The following NDUFAF6 variants were observed in gnomAD, a reference collection of about 807,000 sequenced individuals.
The protein encoded by NDUFAF6 is NADH dehydrogenase (ubiquinone) complex I, assembly factor 6.
In NDUFAF6, 45 loss-of-function variants were observed where a neutral mutation model predicts 40.8. The ratio of observed to expected loss-of-function variants is 1.10; its 90% CI spans 0.87 to 1.42. The LOEUF is 1.42. Among genes scored for constraint, NDUFAF6 ranks in the 40% most tolerant of loss-of-function variants. The pLI is 0.00. For missense variants in NDUFAF6, 435 were observed against 418.5 expected (o/e 1.04, Z -0.34); for synonymous variants, 185 against 155.9 (o/e 1.19, Z -1.39).
At chr8:95,018,471 G>A (rs1354658948) in intron 2 of NDUFAF6, among the ~76,000 whole-genome samples, 1 of 151,708 alleles carries the variant, frequency 6.6e-6, no homozygotes, top group African/African-American at 2.4e-5. Flanking sequence ...AAATGTTTGA[G>A]CAACTACTCA....
At chr8:94,967,230 C>T (rs1242969423) in intron 1 of NDUFAF6, among the ~76,000 whole-genome samples, 2 of 152,216 alleles carry the variant, frequency 1.3e-5, no homozygotes, top group African/African-American at 2.4e-5. Context: ...ACAGGTAGGG[C>T]AGATGTGTTT....
At chr8:94,995,424 A>G (rs1348799821) in intron 2 of NDUFAF6, among the ~76,000 whole-genome samples, 1 of 152,174 alleles carries the variant, frequency 6.6e-6, no homozygotes, top group African/African-American at 2.4e-5. Context: ...TTCCTGAATT[A>G]TACACTTCAA....
Position 95,025,077 on chromosome 8 carries a change from C to T in NDUFAF6, c.69C>T (p.Arg23=). The T allele has an allele frequency of 6.9e-7, 1 of 1,448,672 alleles. No homozygotes were observed. The highest frequency in any genetic ancestry group is 9.0e-7 in the Non-Finnish European group (1 of 1,111,406). The allele number at this position is 1,448,672 out of a possible 1,614,324, so 89.7% of individuals were successfully genotyped here. Reference sequence around the variant, plus strand: ...TTGGCATCCCCGGCCTGTGCTGCCGCCGGCCGCCTCTGGGTCTGTACGCGC... The same window carrying T: ...TTGGCATCCCCGGCCTGTGCTGCCGTCGGCCGCCTCTGGGTCTGTACGCGC... ...LRLGIPGLCC[R]RPPLGLYARM... The change falls in exon 1 of 9, where the codon CGC becomes CGT. Residue 23 remains arginine (R), a synonymous_variant. Transcript: ENST00000396124.
chr8:95,082,372 G>A (rs1271060061), intron 2 of NDUFAF6, among the ~76,000 whole-genome samples: 1 of 152,120 alleles, frequency 6.6e-6, no homozygotes, highest in Non-Finnish European at 1.5e-5. Context: ...GGTGGGTGCT[G>A]TGCTGCTGCT....
chr8:94,909,112 G>A (rs774200492), intron 1 of NDUFAF6, among the ~76,000 whole-genome samples: 6 of 152,256 alleles, frequency 3.9e-5, no homozygotes, highest in South Asian at 4.1e-4. Context: ...TTGGGAGCCC[G>A]AGGTGGGTGG....
intron 2 of NDUFAF6, among the ~76,000 whole-genome samples, chr8:95,085,897 G>A (rs1464672559): frequency 6.6e-6 from 1 of 152,156 alleles, no homozygotes; most frequent in Non-Finnish European, 1.5e-5. Flanking sequence ...TTGAGTCTTG[G>A]TTTAGAAATG....
intron 2 of NDUFAF6, among the ~76,000 whole-genome samples, chr8:95,089,775 C>G (rs1809188617): frequency 6.6e-6 from 1 of 152,220 alleles, no homozygotes; most frequent in Admixed American, 6.5e-5. Flanking sequence ...TTGCTCAGCT[C>G]ATTGTGGAGT....
intron 1 of NDUFAF6, among the ~76,000 whole-genome samples, chr8:94,905,880 G>T (rs78140437): frequency 6.6e-6 from 1 of 152,154 alleles, no homozygotes; most frequent in Non-Finnish European, 1.5e-5. Flanking sequence ...TGCTGGTTTG[G>T]GGGTGACGCC....
intron 2 of NDUFAF6, among the ~76,000 whole-genome samples, chr8:94,996,546 G>A (rs1826439474): frequency 6.6e-6 from 1 of 152,168 alleles, no homozygotes; most frequent in Non-Finnish European, 1.5e-5. Context: ...TAATTGGATA[G>A]TTGATCTTGT....
chr8:94,961,545 C>T (rs1471711667), intron 1 of NDUFAF6, among the ~76,000 whole-genome samples: 1 of 152,232 alleles, frequency 6.6e-6, no homozygotes, highest in Admixed American at 6.5e-5. Context: ...CCTCAGCCTC[C>T]CAGGTAGCTA....
rs139995781 is a variant in NDUFAF6, at chr8:94,913,290, A to G, written c.-936+17363A>G. On this transcript the variant is annotated intron_variant, in intron 1 of 14. Coordinates refer to the NDUFAF6 transcript ENST00000396113. ...CCTTTTTAAGGACTCGTTGCCCCCC[A>G]TGTCATAATGGTTCATTAATTTGGG... Among the ~76,000 whole-genome samples the G allele has an allele frequency of 2.3e-3, 353 of 152,208 alleles. 1 individual carries two copies. Among genetic ancestry groups the G allele is most frequent in the Middle Eastern group, 0.01 (3 of 294 alleles).
chr8:95,113,345 C>G (rs961653293), intron 4 of NDUFAF6, among the ~76,000 whole-genome samples: 1 of 152,192 alleles, frequency 6.6e-6, no homozygotes, highest in Non-Finnish European at 1.5e-5. Context: ...ACTCATCATT[C>G]AGTCCCCACT....
chr8:94,924,056 A>AGTTTTGTTTT (rs937130427), intron 1 of NDUFAF6, among the ~76,000 whole-genome samples: 1 of 149,880 alleles, frequency 6.7e-6, no homozygotes, highest in East Asian at 2.0e-4. Context: ...GCTCTTCCTC[A>AGTTTTGTTTT]GTTTTGTTTT....
chr8:95,009,255 C>A (rs1827132222), intron 2 of NDUFAF6, among the ~76,000 whole-genome samples: 1 of 151,748 alleles, frequency 6.6e-6, no homozygotes, highest in Non-Finnish European at 1.5e-5. Flanking sequence ...ATATCCTGAA[C>A]TCCACACTTG....
chr8:95,047,122 A>T lies in NDUFAF6; in HGVS notation c.709A>T (p.Met237Leu), dbSNP rs761183883. Residue 237 changes from methionine to leucine, a missense_variant, in exon 6 of 9, where the codon ATG becomes TTG. Transcript: ENST00000396124. Reference protein sequence around the residue: ...RKVFLPMDICMLHGVSQEDFL... With the variant: ...RKVFLPMDICLLHGVSQEDFL... ...GGTGTTCCTTCCCATGGATATTTGT[A>T]TGCTGGTAAGGCTGTAATTTGTACC... 41 of 1,614,060 alleles carry T rather than the reference A, an allele frequency of 2.5e-5. No individual in the cohort carries two copies. Among genetic ancestry groups the T allele is most frequent in the Non-Finnish European group, 3.1e-5 (37 of 1,180,022 alleles).
At chr8:95,032,848 T>G (rs188890446) in intron 2 of NDUFAF6, among the ~76,000 whole-genome samples, 14 of 152,296 alleles carry the variant, frequency 9.2e-5, no homozygotes, top group African/African-American at 3.1e-4. Flanking sequence ...ACAACTGAGA[T>G]TCACAACTGT....
In NDUFAF6 at chr8:95,048,515, T is replaced by C. The variant is rs745941126; in HGVS notation, c.773T>C (p.Val258Ala). 4.0e-5 allele frequency: 65 copies of C among 1,614,048 alleles called. No homozygotes were observed. The African/African-American group carries it at 7.2e-4, about 18-fold the overall frequency. Residue 258 changes from valine (V) to alanine (A), a missense_variant, in exon 7 of 9, where the codon GTA (valine) becomes GCA (alanine). By Grantham distance (64) the Val-to-Ala change is moderately conservative. Coordinates refer to ENST00000396124, the MANE Select transcript of NDUFAF6 (RefSeq NM_152416.4). ...AACCAAGATAAAAATGTGAGAGATG[T>C]AATATATGACATTGCCAGTCAAGCA... The part of the protein sequence containing the change: ...RRNQDKNVRD[V>A]IYDIASQAHL...
At chr8:94,991,828 C>T (rs1826209337) in intron 2 of NDUFAF6, among the ~76,000 whole-genome samples, 1 of 126,998 alleles carries the variant, frequency 7.9e-6, no homozygotes, top group South Asian at 2.9e-4. Context: ...TAAAGCAGCA[C>T]GAGATTCCAT....
upstream of NDUFAF6, chr8:95,024,934 G>T (rs1313826148): frequency 8.2e-7 from 1 of 1,214,454 alleles, no homozygotes; most frequent in South Asian, 3.1e-5. Context: ...GAGCATAGGG[G>T]AACCTGCAGG....
Sources: allele counts gnomAD v4.1 joint callset (sites outside exome capture counted in the v4.1 genomes callset), GRCh38; gene constraint gnomAD v4.1.1; transcripts MANE v1.5; gene names NCBI Gene and HGNC (gene_info 2026-07-23, HGNC 2026-07-21).